RUNDC3B: variants seen among roughly 807,000 people sequenced by gnomAD.
The protein encoded by RUNDC3B is RUN domain-containing protein 3B.
A neutral mutation model predicts 58.4 loss-of-function variants in RUNDC3B; 33 were observed. The observed-to-expected ratio is 0.56, with a 90% CI of 0.43 to 0.75. The LOEUF (loss-of-function observed/expected upper bound fraction) is 0.75, where lower values mean the gene tolerates loss of function less well. RUNDC3B is among the 30% of genes least tolerant of loss of function. The pLI is 0.00. For synonymous variants in RUNDC3B, 193 were observed against 195.2 expected (o/e 0.99, Z 0.10); for missense variants, 501 against 535.7 (o/e 0.94, Z 0.64).
intron 4 of RUNDC3B, among the ~76,000 whole-genome samples, chr7:87,730,714 A>G (rs1831526410): frequency 2.6e-5 from 4 of 151,858 alleles, no homozygotes; most frequent in African/African-American, 9.7e-5. Flanking sequence ...CCTTGAGAAA[A>G]CATAAGTGGT....
At chr7:87,650,302 C>G (rs1823447436) in intron 1 of RUNDC3B, among the ~76,000 whole-genome samples, 1 of 152,084 alleles carries the variant, frequency 6.6e-6, no homozygotes, top group Non-Finnish European at 1.5e-5. Context: ...TTGTCTTAAA[C>G]CAGGTAATTT....
At chr7:87,706,705 G>A (rs902277063) in intron 3 of RUNDC3B, among the ~76,000 whole-genome samples, 1 of 152,176 alleles carries the variant, frequency 6.6e-6, no homozygotes, top group Non-Finnish European at 1.5e-5. Context: ...AGTTGTGGAG[G>A]TGGAGATTTT....
intron 4 of RUNDC3B, among the ~76,000 whole-genome samples, chr7:87,734,376 C>T (rs138435188): frequency 2.0e-5 from 3 of 152,064 alleles, no homozygotes; most frequent in African/African-American, 7.2e-5. Flanking sequence ...CATGGATGAA[C>T]CTTGAAAACC....
chr7:87,646,549 G>A (rs1823022007), intron 1 of RUNDC3B, among the ~76,000 whole-genome samples: 1 of 152,144 alleles, frequency 6.6e-6, no homozygotes. Flanking sequence ...CAGTGTGGAT[G>A]CAGAGTTAGC....
At chr7:87,819,269 A>G (rs1837267231) in intron 10 of RUNDC3B, among the ~76,000 whole-genome samples, 1 of 152,176 alleles carries the variant, frequency 6.6e-6, no homozygotes, top group Non-Finnish European at 1.5e-5. Flanking sequence ...CACCCAGGGT[A>G]CACCAAAGGT....
At chr7:87,749,312 T>C (rs1832827057) in intron 6 of RUNDC3B, among the ~76,000 whole-genome samples, 1 of 152,186 alleles carries the variant, frequency 6.6e-6, no homozygotes, top group South Asian at 2.1e-4. Context: ...CCATCATAAT[T>C]AAATTAGTAA....
At chr7:87,803,270 G>C (rs945717676) in intron 8 of RUNDC3B, among the ~76,000 whole-genome samples, 24 of 152,062 alleles carry the variant, frequency 1.6e-4, no homozygotes, top group Admixed American at 1.4e-3. Context: ...CTATAGTTTT[G>C]TTTCTAACAA....
chr7:87,771,291 G>A (rs1834267110), intron 7 of RUNDC3B, among the ~76,000 whole-genome samples: 1 of 151,702 alleles, frequency 6.6e-6, no homozygotes, highest in African/African-American at 2.4e-5. Context: ...AAGCCCAATG[G>A]AATTAGTGAT....
intron 7 of RUNDC3B, among the ~76,000 whole-genome samples, chr7:87,776,539 A>C (rs1410601385): frequency 1.3e-5 from 2 of 152,106 alleles, no homozygotes; most frequent in Non-Finnish European, 2.9e-5. Flanking sequence ...CAAATCTAGG[A>C]TATTGTTACC....
At chr7:87,740,926 C>T (rs943940852) in intron 5 of RUNDC3B, among the ~76,000 whole-genome samples, 1 of 152,036 alleles carries the variant, frequency 6.6e-6, no homozygotes, top group East Asian at 1.9e-4. Context: ...AAAACAAGGC[C>T]AGGCGCGGTG....
chr7:87,650,761 T>G (rs1823493086), intron 1 of RUNDC3B, 61 bp from the exon 2 acceptor site: 1 of 1,022,938 alleles, frequency 9.8e-7, no homozygotes. Flanking sequence ...CCTCCCATTT[T>G]TTTCATACTT....
intron 7 of RUNDC3B, among the ~76,000 whole-genome samples, chr7:87,773,061 C>T (rs538511890): frequency 1.1e-4 from 16 of 152,152 alleles, no homozygotes; most frequent in African/African-American, 3.6e-4. Flanking sequence ...TGGCGACTCA[C>T]GCCTGTAATC....
chr7:87,767,257 T>A (rs1356227160), intron 6 of RUNDC3B, among the ~76,000 whole-genome samples: 1 of 152,210 alleles, frequency 6.6e-6, no homozygotes, highest in Non-Finnish European at 1.5e-5. Flanking sequence ...TTGGTTAGGA[T>A]CTATTCCTAG....
At chr7:87,705,103 C>T (rs1307092498) in intron 3 of RUNDC3B, among the ~76,000 whole-genome samples, 1 of 152,100 alleles carries the variant, frequency 6.6e-6, no homozygotes, top group Non-Finnish European at 1.5e-5. Context: ...AGCTTGTCAC[C>T]ATGGACAATC....
intron 9 of RUNDC3B, among the ~76,000 whole-genome samples, chr7:87,812,696 ACT>A (rs1357012660): frequency 2.0e-5 from 3 of 152,096 alleles, no homozygotes; most frequent in Non-Finnish European, 2.9e-5. Flanking sequence ...AGAATGAATG[ACT>A]CTTACTGTCT....
At chr7:87,744,699 C>G (rs1832542299) in intron 6 of RUNDC3B, among the ~76,000 whole-genome samples, 1 of 152,122 alleles carries the variant, frequency 6.6e-6, no homozygotes, top group Admixed American at 6.6e-5. Flanking sequence ...ATTCTTTTAT[C>G]AATCATAGGA....
chr7:87,659,378 CTT>C (rs1824462711), intron 2 of RUNDC3B, among the ~76,000 whole-genome samples: 1 of 151,706 alleles, frequency 6.6e-6, no homozygotes, highest in Non-Finnish European at 1.5e-5. Flanking sequence ...TAGTGTATCT[CTT>C]TATATAGATT....
intron 1 of RUNDC3B, among the ~76,000 whole-genome samples, chr7:87,636,410 G>T (rs1363541825): frequency 6.6e-6 from 1 of 152,148 alleles, no homozygotes; most frequent in Non-Finnish European, 1.5e-5. Flanking sequence ...TTAGCAACTG[G>T]AATCTCTGCT....
chr7:87,660,676 T>G (rs1196680054), intron 2 of RUNDC3B, among the ~76,000 whole-genome samples: 1 of 151,994 alleles, frequency 6.6e-6, no homozygotes, highest in East Asian at 1.9e-4. Context: ...TTGGCTCTAT[T>G]ATGTTTATGT....
Sources: allele counts gnomAD v4.1 joint callset (sites outside exome capture counted in the v4.1 genomes callset), GRCh38; gene constraint gnomAD v4.1.1; transcripts MANE v1.5; gene names NCBI Gene and HGNC (gene_info 2026-07-23, HGNC 2026-07-21).